MINK1: variants seen among roughly 807,000 people sequenced by gnomAD.
MINK1 encodes the protein misshapen like kinase 1.
Under a neutral mutation model 178.4 loss-of-function variants are expected in MINK1, and 46 were observed. The ratio of observed to expected loss-of-function variants is 0.26; its 90% CI spans 0.20 to 0.33. The LOEUF (loss-of-function observed/expected upper bound fraction) is 0.33, where lower values mean the gene tolerates loss of function less well. Ranked by LOEUF, MINK1 falls within the 10% of genes least tolerant of loss-of-function variation. MINK1 has a pLI of 1.00. For synonymous variants in MINK1, 797 were observed against 709.7 expected, an observed-to-expected ratio of 1.12 and a Z score of -1.96; for missense variants, 1,366 against 1,814.9, an observed-to-expected ratio of 0.75 and a Z score of 4.49.
At position 4,893,478 on chromosome 17, in the gene MINK1, G is replaced by C. The variant is rs1405965864; in HGVS notation, c.2445G>C (p.Arg815=). 2 of 1,595,206 alleles carry C rather than the reference G, an allele frequency of 1.3e-6. No homozygotes were observed. Among genetic ancestry groups the C allele is most frequent in the Admixed American group, 3.4e-5 (2 of 59,232 alleles). ...AGCGGACTCTGGACGAGGCCCCTCGGCCTCCCAAGAAGGCCATGGACTACT... is the reference window on the plus strand; with the variant it reads ...AGCGGACTCTGGACGAGGCCCCTCGCCCTCCCAAGAAGGCCATGGACTACT... The part of the protein sequence containing the change: ...LKERTLDEAP[R]PPKKAMDYSS... The change falls in exon 21 of 32, where the codon CGG becomes CGC. Residue 815 remains arginine, a synonymous_variant. Coordinates refer to ENST00000355280, the MANE Select transcript of MINK1 (RefSeq NM_153827.5).
intron 1 of MINK1, among the ~76,000 whole-genome samples, chr17:4,857,594 G>A (rs1913407067): frequency 1.3e-5 from 2 of 150,232 alleles, no homozygotes; most frequent in African/African-American, 4.9e-5. Flanking sequence ...AGCCTCCCGA[G>A]TAGCTGGAAC....
rs1336446591 is a variant in MINK1 at position 4,890,544 on chromosome 17, C to A, written c.1375C>A (p.Gln459Lys). The change falls in exon 14 of 32, where the codon CAG becomes AAG. Residue 459 changes from glutamine to lysine, a missense_variant. Transcript: ENST00000355280. ...QEYKRKQLEE[Q>K]RQSERLQRQL... ...ATACAAGCGGAAGCAGCTGGAGGAG[C>A]AGCGGCAGTCAGAACGTCTCCAGAG... The A allele has an allele frequency of 6.3e-7, 1 of 1,589,538 alleles. No homozygotes were observed. Among genetic ancestry groups the A allele is most frequent in the Non-Finnish European group, 8.6e-7 (1 of 1,168,732 alleles).
chr17:4,893,615 G>C lies in MINK1; in HGVS notation c.2564+18G>C. 6.6e-7 allele frequency: 1 copy of C among 1,516,676 alleles called. No homozygotes were observed. Among genetic ancestry groups the C allele is most frequent in the South Asian group, 1.3e-5 (1 of 76,664 alleles). The allele number at this position is 1,516,676 out of a possible 1,614,324, so 94.0% of individuals were successfully genotyped here. A position where few individuals can be genotyped will look rare whatever the true frequency, so the allele number is the denominator to read the frequency against. ...GGGGGCCGGTACGGCATCGGGAGTG[G>C]GGCCCTCCCACTCCAAGGCACAGGG... is the stretch of plus-strand genomic sequence containing the variant. On this transcript the variant is annotated intron_variant, in intron 21 of 31. Transcript: ENST00000355280.
rs1457984202 is a variant in MINK1, at chr17:4,896,216, C to T, written c.3489C>T (p.Arg1163=). ...AFKSFADLPH[R]PLLVDLTVEE... ...AGTCCTTTGCCGACCTCCCCCACCGCCCTCTGCTGGTCGACCTGACAGTAG... is the reference window on the plus strand; with the variant it reads ...AGTCCTTTGCCGACCTCCCCCACCGTCCTCTGCTGGTCGACCTGACAGTAG... The change falls in exon 29 of 32, where the codon CGC becomes CGT. Residue 1163 remains arginine, a synonymous_variant. Coordinates refer to ENST00000355280, the MANE Select transcript of MINK1 (RefSeq NM_153827.5). This position sits in a 1 kb window ranked among gnomAD's most constrained non-coding sequence, Gnocchi z 4.6. 1 of 1,600,730 alleles carries T rather than the reference C, an allele frequency of 6.2e-7. No individual in the cohort carries two copies. The highest frequency in any genetic ancestry group is 1.1e-5 in the South Asian group (1 of 88,714).
At position 4,897,366 on chromosome 17, in the gene MINK1, C is replaced by G; in HGVS notation, c.*79C>G. On this transcript the variant is annotated 3_prime_UTR_variant, in exon 32 of 32. Coordinates refer to ENST00000355280, the MANE Select transcript of MINK1 (RefSeq NM_153827.5). ...CAGGCTTCCCGGGCCGCCCCTCTTT[C>G]CCCTCCCTGGGCTTTTGCTTTTACT... The G allele has an allele frequency of 7.4e-7, 1 of 1,357,706 alleles. No individual in the cohort carries two copies. The allele number at this position is 1,357,706 out of a possible 1,614,324, so 84.1% of individuals were successfully genotyped here. A position where few individuals can be genotyped will look rare whatever the true frequency, so the allele number is the denominator to read the frequency against.
chr17:4,859,357 C>A, intron 1 of MINK1: 1 of 942,444 alleles, frequency 1.1e-6, no homozygotes, highest in South Asian at 4.9e-5. Flanking sequence ...AACCTACCTG[C>A]TTCCCCTGCA....
chr17:4,854,229 C>T (rs955853987), intron 1 of MINK1, among the ~76,000 whole-genome samples: 5 of 152,224 alleles, frequency 3.3e-5, no homozygotes, highest in Middle Eastern at 3.4e-3. Flanking sequence ...TCACTCCCTC[C>T]CCCACCACCT....
chr17:4,850,642 C>G (rs1911805954), intron 1 of MINK1, among the ~76,000 whole-genome samples: 1 of 151,672 alleles, frequency 6.6e-6, no homozygotes, highest in Admixed American at 6.6e-5. Flanking sequence ...AGTTTTCTCT[C>G]ATGGCCTGTC....
chr17:4,860,915 G>C, intron 1 of MINK1: 1 of 442,780 alleles, frequency 2.3e-6, no homozygotes, highest in Non-Finnish European at 4.6e-6. Flanking sequence ...AATAGTTAAA[G>C]GGGGATTTAA....
chr17:4,849,377 G>A (rs755665743), intron 1 of MINK1, among the ~76,000 whole-genome samples: 1 of 152,180 alleles, frequency 6.6e-6, no homozygotes, highest in Non-Finnish European at 1.5e-5. Flanking sequence ...GTTGGGATGT[G>A]AGAGACAAGA....
In MINK1 at chr17:4,891,181, C is replaced by T. The variant is rs1038523873; in HGVS notation, c.1740+57C>T. On this transcript the variant is annotated intron_variant, in intron 15 of 31. Transcript: ENST00000355280. ...GACACAGGGAGCTTTGTTCAGAGCA[C>T]AGGTACACACACACGCGCGCACACA... The T allele has an allele frequency of 4.4e-6, 6 of 1,355,068 alleles. No homozygotes were observed. In the African/African-American group the frequency reaches 6.1e-5, roughly 14 times the overall value. The allele number at this position is 1,355,068 out of a possible 1,614,324, so 83.9% of individuals were successfully genotyped here.
Position 4,896,662 on chromosome 17 carries a change from T to G in MINK1, c.3776-12T>G. ...GGTGCAGCCTGCTCAGCCCCTCACC[T>G]GTTCCCCACAGCCTACATCTGCTCC... On this transcript the variant is annotated splice_polypyrimidine_tract_variant and intron_variant, in intron 30 of 31. Coordinates refer to ENST00000355280, the MANE Select transcript of MINK1 (RefSeq NM_153827.5). The surrounding 1 kb of genome is among the most constrained non-coding windows in gnomAD (Gnocchi z 4.6). 2 of 1,603,790 alleles carry G rather than the reference T, an allele frequency of 1.2e-6. No individual in the cohort carries two copies. The highest frequency in any genetic ancestry group is 3.3e-4 in the Middle Eastern group (2 of 6,022).
rs1968791356 is a variant in MINK1 at position 4,891,325 on chromosome 17, A to G, written c.1741-131A>G. ...TGTCTGTCCTGACTTAGCTGTCATC[A>G]GGCTCAAGGAACCCCTTGTCCTTCA... On this transcript the variant is annotated intron_variant, in intron 15 of 31. Coordinates refer to ENST00000355280, the MANE Select transcript of MINK1 (RefSeq NM_153827.5). The G allele has an allele frequency of 6.8e-6, 9 of 1,318,150 alleles. No individual in the cohort carries two copies. The East Asian group carries it at 2.3e-4, about 34-fold the overall frequency. 81.7% of individuals were successfully genotyped at this position (1,318,150 alleles called of 1,614,324 possible).
At chr17:4,853,313 T>G (rs1433977150) in intron 1 of MINK1, among the ~76,000 whole-genome samples, 1 of 46,224 alleles carries the variant, frequency 2.2e-5, no homozygotes, top group Non-Finnish European at 4.0e-5. Context: ...GTGTGGTTGG[T>G]GGGAAGAGTG....
At chr17:4,867,151 T>C (rs993809794) in intron 1 of MINK1, among the ~76,000 whole-genome samples, 1 of 114,402 alleles carries the variant, frequency 8.7e-6, no homozygotes, top group Non-Finnish European at 1.9e-5. Context: ...TTTTTTTTTT[T>C]TTTTTTTTTT....
chr17:4,847,579 G>A (rs1249299495), intron 1 of MINK1, among the ~76,000 whole-genome samples: 2 of 152,154 alleles, frequency 1.3e-5, no homozygotes, highest in East Asian at 3.8e-4. Context: ...CCAGCCCCCT[G>A]TCATAGAGGT....
intron 1 of MINK1, among the ~76,000 whole-genome samples, chr17:4,834,309 C>G (rs578116885): frequency 6.6e-6 from 1 of 152,104 alleles, no homozygotes; most frequent in Non-Finnish European, 1.5e-5. Context: ...CAGCGTGGGG[C>G]TGGGAGCCCT....
In MINK1 at chr17:4,884,893, C is replaced by A; in HGVS notation, c.418-19C>A. 6.2e-7 allele frequency: 1 copy of A among 1,611,484 alleles called. No individual in the cohort carries two copies. The highest frequency in any genetic ancestry group is 2.2e-5 in the East Asian group (1 of 44,876). On this transcript the variant is annotated intron_variant, in intron 5 of 31. Transcript: ENST00000355280. ...CCCATCCAACACCATGGCTAATTTT[C>A]CCTGCTCTCCTGTCCCAGGGTCTGG...
intron 1 of MINK1, among the ~76,000 whole-genome samples, chr17:4,835,379 G>A (rs1450378969): frequency 6.6e-6 from 1 of 152,178 alleles, no homozygotes; most frequent in Non-Finnish European, 1.5e-5. Flanking sequence ...TGTAATCCCA[G>A]CACTTTGGGA....
Sources: gnomAD v4.1 joint callset for allele counts (sites outside exome capture counted in the v4.1 genomes callset) on GRCh38, gnomAD v4.1.1 for gene constraint, Gnocchi (gnomAD v3.1) non-coding constraint, MANE v1.5 for transcripts, NCBI Gene and HGNC (gene_info 2026-07-23, HGNC 2026-07-21) for gene names.